The following RICTOR variants were observed in gnomAD, a reference collection of about 807,000 sequenced individuals.
The protein encoded by RICTOR is RPTOR independent companion of MTOR complex 2.
In RICTOR, 49 loss-of-function variants were observed where a neutral mutation model predicts 214.9. That is an observed-to-expected ratio of 0.23 (90% confidence interval 0.18 to 0.29). The LOEUF (loss-of-function observed/expected upper bound fraction) is 0.29. Ranked by LOEUF, RICTOR falls within the 10% of genes least tolerant of loss-of-function variation. The probability of loss-of-function intolerance (pLI) is 1.00; values close to 1 mark genes in which losing one functional copy is unlikely to be tolerated. For synonymous variants in RICTOR, 717 were observed against 711.3 expected (o/e 1.01, Z -0.13); for missense variants, 1,625 against 2,047.0 (o/e 0.79, Z 3.98).
chr5:38,950,862 A>G (rs777488177), intron 30 of RICTOR, 142 bp from the exon 31 acceptor site: 14 of 535,396 alleles, frequency 2.6e-5, no homozygotes, highest in Non-Finnish European at 4.1e-5. Context: ...CCATTCAGCT[A>G]CTTGAAAATA....
rs146498151 is a variant in RICTOR, at chr5:39,059,626, T to C, written c.97+14485A>G. Among the ~76,000 whole-genome samples the C allele has an allele frequency of 6.6e-5, 10 of 152,278 alleles. No homozygotes were observed. In the East Asian group the frequency reaches 1.9e-3, roughly 29 times the overall value. On this transcript the variant is annotated intron_variant, in intron 2 of 37. Transcript: ENST00000357387. ...ATCTAATACTAAAATTCTATATTCT[T>C]ATGGTTCCTTTCAGTAAAATGTGTC...
intron 4 of RICTOR, 134 bp from the exon 5 acceptor site, chr5:39,002,800 A>AT (rs1753740535): frequency 1.2e-6 from 1 of 800,368 alleles, no homozygotes; most frequent in African/African-American, 1.8e-5. Context: ...AGCATTCTAC[A>AT]TATATAAAAA....
intron 3 of RICTOR, among the ~76,000 whole-genome samples, chr5:39,012,065 T>C (rs1341212089): frequency 1.3e-5 from 2 of 152,182 alleles, no homozygotes; most frequent in Non-Finnish European, 2.9e-5. Context: ...TGAATTGTAA[T>C]AATCCCCATG....
chr5:39,055,011 TGAAA>T (rs1434216830), intron 2 of RICTOR, among the ~76,000 whole-genome samples: 1 of 152,228 alleles, frequency 6.6e-6, no homozygotes. Flanking sequence ...GTAACATGAA[TGAAA>T]GAATTCATTC....
intron 2 of RICTOR, 83 bp from the exon 3 acceptor site, chr5:39,021,219 T>G: frequency 7.5e-6 from 6 of 800,714 alleles, no homozygotes. Context: ...TATTAAAACT[T>G]CACAACTTTG....
chr5:39,005,926 G>A (rs1377200716), intron 3 of RICTOR, among the ~76,000 whole-genome samples: 1 of 152,138 alleles, frequency 6.6e-6, no homozygotes, highest in East Asian at 1.9e-4. Flanking sequence ...TTTTTGTCCT[G>A]CAAACTCCAT....
intron 31 of RICTOR, among the ~76,000 whole-genome samples, chr5:38,949,096 A>G (rs1748471978): frequency 6.6e-6 from 1 of 152,108 alleles, no homozygotes; most frequent in African/African-American, 2.4e-5. Flanking sequence ...AATTATAGGT[A>G]CAAAATTTTT....
intron 16 of RICTOR, among the ~76,000 whole-genome samples, chr5:38,963,679 T>C (rs537485921): frequency 2.0e-5 from 3 of 152,082 alleles, no homozygotes; most frequent in Admixed American, 2.0e-4. Context: ...GAAAGCTTAC[T>C]GAGCTAAAGA....
At position 39,032,034 on chromosome 5, in the gene RICTOR, T is replaced by C. The variant is rs566936465; in HGVS notation, c.98-10898A>G. 8.5e-5 allele frequency among the ~76,000 whole-genome samples: 13 copies of C among 152,310 alleles called. No homozygotes were observed. In the South Asian group the frequency reaches 2.7e-3, roughly 32 times the overall value. On this transcript the variant is annotated intron_variant, in intron 2 of 37. Coordinates refer to ENST00000357387, the MANE Select transcript of RICTOR (RefSeq NM_152756.5). ...AACAATTATTAATTTCAAAAAGTTA[T>C]ATAATTTAGTAGAGAAAGGCTGTAT...
intron 14 of RICTOR, chr5:38,966,957 T>C (rs1048829410): frequency 1.6e-6 from 1 of 621,542 alleles, no homozygotes; most frequent in Non-Finnish European, 2.9e-6. Context: ...TATGCCATCA[T>C]GCATGGCTAA....
rs569363498 is a variant in RICTOR, at chr5:38,958,560, A to G, written c.2344-41T>C. ...ATTATTTTTTTATAATTGCACAAAA[A>G]TAGCAAAATTTTTAGTTCCAAAATG... On this transcript the variant is annotated intron_variant, in intron 23 of 37. Transcript: ENST00000357387. The G allele has an allele frequency of 5.7e-6, 9 of 1,565,258 alleles. No homozygotes were observed. In the African/African-American group the frequency reaches 1.2e-4, roughly 21 times the overall value.
At chr5:38,944,389 T>C in intron 36 of RICTOR, 57 bp downstream of exon 36, 1 of 1,541,996 alleles carries the variant, frequency 6.5e-7, no homozygotes, top group South Asian at 1.2e-5. Context: ...TCAAGTATCT[T>C]TTCTCGACTT....
chr5:39,061,121 G>A (rs1264008740), intron 2 of RICTOR, among the ~76,000 whole-genome samples: 1 of 152,002 alleles, frequency 6.6e-6, no homozygotes, highest in African/African-American at 2.4e-5. Flanking sequence ...TTAGAACAAT[G>A]CTGGACACAT....
intron 36 of RICTOR, chr5:38,943,325 A>G (rs932977753): frequency 1.8e-5 from 3 of 170,254 alleles, no homozygotes; most frequent in African/African-American, 7.2e-5. Flanking sequence ...AAGTTAAGTT[A>G]TTAACATCCC....
At chr5:39,003,215 C>T (rs893331280) in intron 4 of RICTOR, among the ~76,000 whole-genome samples, 1 of 152,142 alleles carries the variant, frequency 6.6e-6, no homozygotes, top group Non-Finnish European at 1.5e-5. Flanking sequence ...CTGTTGTAAG[C>T]ACAAACTTTC....
At chr5:39,029,934 C>T (rs1561549953) in intron 2 of RICTOR, among the ~76,000 whole-genome samples, 1 of 152,110 alleles carries the variant, frequency 6.6e-6, no homozygotes, top group Non-Finnish European at 1.5e-5. Context: ...AAGTGTTTAA[C>T]ACATTAGTCT....
intron 2 of RICTOR, among the ~76,000 whole-genome samples, chr5:39,035,535 G>T (rs1277950330): frequency 6.6e-6 from 1 of 152,000 alleles, no homozygotes; most frequent in Non-Finnish European, 1.5e-5. Context: ...AGCTAAAAGA[G>T]GAAGTTCGAA....
chr5:39,044,945 G>C (rs1757392737), intron 2 of RICTOR, among the ~76,000 whole-genome samples: 1 of 152,078 alleles, frequency 6.6e-6, no homozygotes, highest in Non-Finnish European at 1.5e-5. Flanking sequence ...TTTCATCCTT[G>C]TCTATTTTTA....
intron 5 of RICTOR, among the ~76,000 whole-genome samples, chr5:38,998,098 A>G (rs756334364): frequency 1.2e-4 from 18 of 152,350 alleles, no homozygotes; most frequent in Non-Finnish European, 1.5e-4. Flanking sequence ...TCTGCTCAAT[A>G]TCTACACTCT....
Sources: allele counts gnomAD v4.1 joint callset (sites outside exome capture counted in the v4.1 genomes callset), GRCh38; gene constraint gnomAD v4.1.1; transcripts MANE v1.5; gene names NCBI Gene and HGNC (gene_info 2026-07-23, HGNC 2026-07-21).